Variants in CSMD1 observed in about 807,000 individuals in gnomAD.
CSMD1 encodes CUB and sushi domain-containing protein 1.
A neutral mutation model predicts 417.5 loss-of-function variants in CSMD1; 213 were observed. The ratio of observed to expected loss-of-function variants is 0.51; its 90% CI spans 0.46 to 0.57. CSMD1 has a LOEUF of 0.57. CSMD1 is among the 20% of genes least tolerant of loss of function. The pLI is 0.00. For missense variants in CSMD1, 6,923 were observed against 4,529.7 expected, an observed-to-expected ratio of 1.53 and a Z score of -15.17; for synonymous variants, 2,862 against 1,736.8, an observed-to-expected ratio of 1.65 and a Z score of -16.11.
intron 2 of CSMD1, among the ~76,000 whole-genome samples, chr8:4,540,127 C>T (rs375650035): frequency 1.3e-5 from 2 of 152,078 alleles, no homozygotes; most frequent in Admixed American, 1.3e-4. Flanking sequence ...TATATAAACA[C>T]CGAAAGTGGT....
At chr8:4,818,981 T>G (rs1407768154) in intron 1 of CSMD1, among the ~76,000 whole-genome samples, 1 of 152,138 alleles carries the variant, frequency 6.6e-6, no homozygotes, top group Non-Finnish European at 1.5e-5. Flanking sequence ...TTTCTTCATT[T>G]GCAAAATGAA....
chr8:4,376,634 A>G (rs1004333514), intron 3 of CSMD1, among the ~76,000 whole-genome samples: 1 of 152,200 alleles, frequency 6.6e-6, no homozygotes, highest in African/African-American at 2.4e-5. Flanking sequence ...ATTTCTTTTC[A>G]GAAGGGTTGC....
intron 2 of CSMD1, among the ~76,000 whole-genome samples, chr8:4,632,828 G>A (rs553315146): frequency 2.6e-5 from 4 of 152,256 alleles, no homozygotes; most frequent in South Asian, 2.1e-4. Context: ...TTTGAAAGAC[G>A]CATACTATTC....
intron 7 of CSMD1, among the ~76,000 whole-genome samples, chr8:3,645,401 G>A (rs945643481): frequency 3.9e-5 from 6 of 152,308 alleles, no homozygotes; most frequent in East Asian, 3.9e-4. Flanking sequence ...GCTCGGCTTC[G>A]GGTGTCTGGG....
intron 5 of CSMD1, among the ~76,000 whole-genome samples, chr8:3,884,924 T>TTC (rs1806453703): frequency 9.6e-5 from 14 of 146,170 alleles, no homozygotes; most frequent in African/African-American, 3.4e-4. Context: ...TATATATATA[T>TTC]ATATATTCAT....
intron 5 of CSMD1, among the ~76,000 whole-genome samples, chr8:3,922,773 C>T (rs933871693): frequency 2.0e-5 from 3 of 151,808 alleles, no homozygotes; most frequent in African/African-American, 7.3e-5. Context: ...ATTTTTAGTA[C>T]ATTTGTCTGT....
chr8:4,902,205 T>C (rs913849304), intron 1 of CSMD1, among the ~76,000 whole-genome samples: 1 of 151,488 alleles, frequency 6.6e-6, no homozygotes, highest in African/African-American at 2.4e-5. Context: ...AAGCCAAGAG[T>C]TTGAAACTCA....
chr8:4,461,319 T>A (rs965448436), intron 2 of CSMD1, among the ~76,000 whole-genome samples: 1 of 151,918 alleles, frequency 6.6e-6, no homozygotes, highest in African/African-American at 2.4e-5. Flanking sequence ...AAATCAGCAA[T>A]AAGACAAATT....
chr8:3,576,697 T>G, intron 9 of CSMD1, among the ~76,000 whole-genome samples: 1 of 152,206 alleles, frequency 6.6e-6, no homozygotes, highest in East Asian at 1.9e-4. Flanking sequence ...GACAAAGGAC[T>G]GGATGAAAAC....
At chr8:4,788,025 C>A in intron 1 of CSMD1, 6 of 1,589,168 alleles carry the variant, frequency 3.8e-6, no homozygotes, top group South Asian at 2.3e-5. Context: ...AGAAGTAACT[C>A]CTGAAGGGCT....
intron 40 of CSMD1, among the ~76,000 whole-genome samples, chr8:3,150,577 TATTCATTC>T (rs111736662): frequency 2.6e-5 from 4 of 152,112 alleles, no homozygotes; most frequent in Non-Finnish European, 4.4e-5. Flanking sequence ...TTTATGGTTG[TATTCATTC>T]ATTCATTCAT....
intron 8 of CSMD1, among the ~76,000 whole-genome samples, chr8:3,592,617 C>T (rs756537998): frequency 6.6e-6 from 1 of 152,000 alleles, no homozygotes; most frequent in African/African-American, 2.4e-5. Flanking sequence ...AAGCTGTGAG[C>T]AGGAGGAAGG....
chr8:3,861,944 T>G (rs935298495), intron 5 of CSMD1, among the ~76,000 whole-genome samples: 1 of 152,180 alleles, frequency 6.6e-6, no homozygotes, highest in Non-Finnish European at 1.5e-5. Flanking sequence ...AGTCAATCTT[T>G]GTACCCTGGT....
At position 4,794,070 on chromosome 8, in the gene CSMD1, T is replaced by G. The variant is rs1230002842; in HGVS notation, c.86-156512A>C. ...AAATAATTTGCCTTAAGGTTGGATT[T>G]ATATTTTTCTCAAAACTTCTGGAGA... On this transcript the variant is annotated intron_variant, in intron 1 of 69. Coordinates refer to ENST00000635120, the MANE Select transcript of CSMD1 (RefSeq NM_033225.6). Among the ~76,000 whole-genome samples the G allele has an allele frequency of 2.0e-5, 3 of 152,322 alleles. No individual in the cohort carries two copies. The East Asian group carries it at 5.8e-4, about 29-fold the overall frequency.
intron 7 of CSMD1, among the ~76,000 whole-genome samples, chr8:3,707,241 T>C (rs1454167307): frequency 6.6e-6 from 1 of 152,242 alleles, no homozygotes; most frequent in Non-Finnish European, 1.5e-5. Context: ...TTTATTAGTT[T>C]TAGCAGAATA....
At chr8:3,684,597 T>TC (rs1491320595) in intron 7 of CSMD1, among the ~76,000 whole-genome samples, 2 of 58,426 alleles carry the variant, frequency 3.4e-5, no homozygotes, top group African/African-American at 1.3e-4. Context: ...TGATACAGTC[T>TC]TTTTTTTTTT....
intron 52 of CSMD1, among the ~76,000 whole-genome samples, chr8:3,017,989 T>A (rs1465979959): frequency 1.3e-5 from 2 of 152,062 alleles, no homozygotes; most frequent in African/African-American, 4.8e-5. Context: ...AATTTTCCAA[T>A]GGAAACATTT....
intron 8 of CSMD1, among the ~76,000 whole-genome samples, chr8:3,602,813 T>C (rs144970165): frequency 1.7e-3 from 253 of 152,308 alleles, no homozygotes; most frequent in Non-Finnish European, 3.1e-3. Flanking sequence ...CGAGATGGCA[T>C]ATCTGATGAT....
intron 3 of CSMD1, among the ~76,000 whole-genome samples, chr8:4,416,915 A>G (rs1796973152): frequency 6.6e-6 from 1 of 152,090 alleles, no homozygotes; most frequent in Non-Finnish European, 1.5e-5. Context: ...TAGGAATTTT[A>G]ATAGTAATCT....
Sources: allele counts gnomAD v4.1 joint callset (sites outside exome capture counted in the v4.1 genomes callset), GRCh38; gene constraint gnomAD v4.1.1; transcripts MANE v1.5; gene names NCBI Gene and HGNC (gene_info 2026-07-23, HGNC 2026-07-21).